Variants in MCM3 observed in about 807,000 individuals in gnomAD.
MCM3 encodes DNA replication licensing factor MCM3.
A neutral mutation model predicts 91.3 loss-of-function variants in MCM3; 59 were observed. That is an observed-to-expected ratio of 0.65 (90% CI 0.52 to 0.80). MCM3 has a LOEUF of 0.80. Among genes scored for constraint, MCM3 ranks in the 30% least tolerant of loss-of-function variants. MCM3 has a pLI of 0.00. For missense variants in MCM3, 919 were observed against 1,035.4 expected, an observed-to-expected ratio of 0.89 and a Z score of 1.54; for synonymous variants, 383 against 379.6, an observed-to-expected ratio of 1.01 and a Z score of -0.10.
rs201713056 is a variant in MCM3, at chr6:52,276,346, G to A, written c.1296C>T (p.Thr432=). 13 of 1,613,758 alleles carry A rather than the reference G, an allele frequency of 8.1e-6. No homozygotes were observed. Among genetic ancestry groups the A allele is most frequent in the Middle Eastern group, 3.4e-4 (2 of 5,868 alleles). ...GAGCATGGATGCCAGCCTTGGCAATGGTCACTCGACCCTGCTCCATCACTT... is the reference window on the plus strand; with the variant it reads ...GAGCATGGATGCCAGCCTTGGCAATAGTCACTCGACCCTGCTCCATCACTT... ...IHEVMEQGRV[T]IAKAGIHARL... The change falls in exon 9 of 17, where the codon ACC becomes ACT. Residue 432 remains threonine (T), a synonymous_variant. Coordinates refer to ENST00000596288, the MANE Select transcript of MCM3 (RefSeq NM_002388.6).
In MCM3 at chr6:52,279,565, C is replaced by T. The variant is rs1456917793; in HGVS notation, c.566G>A (p.Gly189Asp). The change falls in exon 5 of 17, where the codon GGC (glycine) becomes GAC (aspartate). Residue 189 changes from glycine (G) to aspartate (D), a missense_variant. Physicochemically the swap from Gly to Asp is moderately conservative, Grantham distance 94. Transcript: ENST00000596288. ...CTGGTGATCCTTGTAGACAGAAAGG[C>T]CATATTCTGTCTCAAGGGGATTGTT... Reference protein sequence around the residue: ...EENNPLETEYGLSVYKDHQTI... With the variant: ...EENNPLETEYDLSVYKDHQTI... 1 of 1,613,856 alleles carries T rather than the reference C, an allele frequency of 6.2e-7. No individual in the cohort carries two copies. The highest frequency in any genetic ancestry group is 2.2e-5 in the East Asian group (1 of 44,902).
chr6:52,267,210 T>C (rs1042527196), intron 14 of MCM3, among the ~76,000 whole-genome samples: 2 of 148,660 alleles, frequency 1.3e-5, no homozygotes, highest in Admixed American at 6.8e-5. Context: ...GCCATTCTCC[T>C]GCCTCAGCCT....
intron 11 of MCM3, 34 bp from the exon 12 acceptor site, chr6:52,272,485 C>A (rs1765221233): frequency 1.2e-6 from 2 of 1,611,938 alleles, no homozygotes; most frequent in Middle Eastern, 3.3e-4. Context: ...CATCTCCCTG[C>A]CACACCTTAC....
intron 1 of MCM3, 58 bp downstream of exon 1, chr6:52,284,539 C>G: frequency 6.6e-7 from 1 of 1,508,526 alleles, no homozygotes; most frequent in Non-Finnish European, 8.9e-7. Flanking sequence ...GCTTCCCGGC[C>G]GGGCCGCGTC....
intron 12 of MCM3, among the ~76,000 whole-genome samples, chr6:52,269,989 G>A (rs1764965866): frequency 1.3e-5 from 2 of 152,164 alleles, no homozygotes; most frequent in Admixed American, 6.5e-5. Context: ...GAAAGGATTT[G>A]TCCACAGTCC....
rs752211824 is a variant in MCM3, at chr6:52,267,938, G to A, written c.1999C>T (p.Arg667Ter). 5 of 1,598,722 alleles carry A rather than the reference G, an allele frequency of 3.1e-6. No homozygotes were observed. Among genetic ancestry groups the A allele is most frequent in the African/African-American group, 1.3e-5 (1 of 74,560 alleles). The change falls in exon 14 of 17, where the codon CGA becomes TGA. Residue 667 changes from arginine (R) to a stop codon, truncating the protein, a stop_gained. Coordinates refer to ENST00000596288, the MANE Select transcript of MCM3 (RefSeq NM_002388.6). LOFTEE classifies it high-confidence loss of function. ...TCTGTCTCTGATTCATCCTCACTTC[G>A]CTTCTTACGTTTCTTCTCCTTCTCC... is the stretch of plus-strand genomic sequence containing the variant. ...VLEKEKKRKK[R>*]SEDESETEDE...
Position 52,284,591 on chromosome 6 carries a change from C to T in MCM3, c.78+6G>A. 1 of 1,603,978 alleles carries T rather than the reference C, an allele frequency of 6.2e-7. No homozygotes were observed. Among genetic ancestry groups the T allele is most frequent in the Non-Finnish European group, 8.5e-7 (1 of 1,177,312 alleles). On this transcript the variant is annotated splice_donor_region_variant and intron_variant, in intron 1 of 16. Coordinates refer to ENST00000596288, the MANE Select transcript of MCM3 (RefSeq NM_002388.6). The stretch of plus-strand genomic sequence containing the variant: ...GCTAGAGCCCGCGCGCCGGCGCCTC[C>T]CTCACCTCGTCGTCCAGGAAGTCCA...
chr6:52,265,376 G>C (rs987246741), intron 16 of MCM3: 1 of 311,356 alleles, frequency 3.2e-6, no homozygotes, highest in Non-Finnish European at 6.4e-6. Flanking sequence ...AACATGGTGA[G>C]ATCCCGTCTC....
intron 16 of MCM3, among the ~76,000 whole-genome samples, chr6:52,265,835 T>C (rs17240231): frequency 8.1e-4 from 123 of 152,216 alleles, no homozygotes; most frequent in Non-Finnish European, 1.2e-3. Context: ...GAGAGAATTA[T>C]TAATTTAAAC....
intron 4 of MCM3, among the ~76,000 whole-genome samples, chr6:52,280,581 C>T (rs1179363191): frequency 2.0e-5 from 3 of 152,350 alleles, no homozygotes; most frequent in Admixed American, 6.5e-5. Context: ...CCAAAGCCCA[C>T]GCTCTTAAGC....
intron 3 of MCM3, 80 bp downstream of exon 3, chr6:52,282,573 C>A: frequency 7.3e-7 from 1 of 1,372,024 alleles, no homozygotes; most frequent in Non-Finnish European, 1.0e-6. Flanking sequence ...CCACAAGCTA[C>A]CCAGATCTAC....
chr6:52,270,449 A>G (rs1765034394), intron 12 of MCM3, among the ~76,000 whole-genome samples: 1 of 152,176 alleles, frequency 6.6e-6, no homozygotes, highest in South Asian at 2.1e-4. Flanking sequence ...AGTTTCCTAA[A>G]TTACCATGTA....
Position 52,267,904 on chromosome 6 carries a change from T to C in MCM3, c.2033A>G (p.Glu678Gly), listed in dbSNP as rs1441960120. 1 of 1,453,024 alleles carries C rather than the reference T, an allele frequency of 6.9e-7. No homozygotes were observed. The highest frequency in any genetic ancestry group is 1.7e-5 in the Admixed American group (1 of 58,518). 90.0% of individuals were successfully genotyped at this position (1,453,024 alleles called of 1,614,324 possible). ...SEDESETEDE[E>G]EKSQEDQEQK... ...CTCCTGGTCCTCTTGGCTTTTCTCC[T>C]CTTCATCTTCTGTCTCTGATTCATC... Residue 678 changes from glutamate to glycine, a missense_variant, in exon 14 of 17, where the codon GAG becomes GGG. Physicochemically the swap from Glu to Gly is moderately conservative, Grantham distance 98 (BLOSUM62 -2). This residue lies in a region of MCM3 where 285 missense variants were observed against 311.4 expected (regional missense o/e 0.92). Transcript: ENST00000596288.
At chr6:52,269,679 G>C (rs1026454568) in intron 12 of MCM3, among the ~76,000 whole-genome samples, 1 of 152,206 alleles carries the variant, frequency 6.6e-6, no homozygotes, top group African/African-American at 2.4e-5. Context: ...AGGAGGGATA[G>C]GAAAGAAGTA....
chr6:52,267,949 T>G lies in MCM3; in HGVS notation c.1988A>C (p.Lys663Thr), dbSNP rs757116505. Residue 663 changes from lysine to threonine, a missense_variant, in exon 14 of 17, where the codon AAA becomes ACA. Physicochemically the swap from Lys to Thr is moderately conservative, Grantham distance 78 (BLOSUM62 -1). Coordinates refer to ENST00000596288, the MANE Select transcript of MCM3 (RefSeq NM_002388.6). ...YFKKVLEKEK[K>T]RKKRSEDESE... The stretch of plus-strand genomic sequence containing the variant: ...TTCATCCTCACTTCGCTTCTTACGT[T>G]TCTTCTCCTTCTCCAGAACCTAAGA... 6 of 1,612,256 alleles carry G rather than the reference T, an allele frequency of 3.7e-6. No individual in the cohort carries two copies. The South Asian group carries it at 6.6e-5, about 18-fold the overall frequency.
chr6:52,275,866 GTT>G (rs1765507846), intron 9 of MCM3: 1 of 158,972 alleles, frequency 6.3e-6, no homozygotes, highest in Non-Finnish European at 1.4e-5. Flanking sequence ...CATGCTTAAA[GTT>G]TTGTTTCCTG....
rs1033238760 is a variant in MCM3 at position 52,282,152 on chromosome 6, C to T, written c.424G>A (p.Val142Ile). The part of the protein sequence containing the change: ...TKCSLVRPKV[V>I]RSVHYCPATK... ...GCAGGACAGTAGTGGACACTGCGGA[C>T]GACTTTGGGACGAACTAGAGAACCT... Residue 142 changes from valine (V) to isoleucine (I), a missense_variant, in exon 4 of 17, where the codon GTC becomes ATC. By Grantham distance (29) the Val-to-Ile change is conservative (BLOSUM62 3). Transcript: ENST00000596288. 9 of 1,613,890 alleles carry T rather than the reference C, an allele frequency of 5.6e-6. No homozygotes were observed. The highest frequency in any genetic ancestry group is 1.3e-5 in the African/African-American group (1 of 74,874).
rs762723976 is a variant in MCM3, at chr6:52,277,150, G to C, written c.1082C>G (p.Thr361Ser). The C allele has an allele frequency of 6.2e-7, 1 of 1,614,008 alleles. No homozygotes were observed. The highest frequency in any genetic ancestry group is 2.2e-5 in the East Asian group (1 of 44,878). Residue 361 changes from threonine (T) to serine (S), a missense_variant, in exon 8 of 17, where the codon ACT becomes AGT. This residue lies in a region of MCM3 where 233 missense variants were observed against 321.2 expected (regional missense o/e 0.73). Transcript: ENST00000596288. Reference protein sequence around the residue: ...KSQLLRYVLCTAPRAIPTTGR... With the variant: ...KSQLLRYVLCSAPRAIPTTGR... ...AGTGGTGGGGATAGCTCGGGGTGCAGTGCAAAGCACATACCGCAGAAGCTG... is the reference window on the plus strand; with the variant it reads ...AGTGGTGGGGATAGCTCGGGGTGCACTGCAAAGCACATACCGCAGAAGCTG...
rs1045329692 is a variant in MCM3 at position 52,277,207 on chromosome 6, TG to T, written c.1034-10del. 2 of 1,610,562 alleles carry T rather than the reference TG, an allele frequency of 1.2e-6. No homozygotes were observed. The highest frequency in any genetic ancestry group is 1.7e-6 in the Non-Finnish European group (2 of 1,178,398). The stretch of plus-strand genomic sequence containing the variant: ...GGCAACGGATGGGTCTCCTGTAGGG[TG>T]GGGGCAGTGATGACTCTCTAGGAAA... On this transcript the variant is annotated splice_polypyrimidine_tract_variant and intron_variant, in intron 7 of 16. Coordinates refer to ENST00000596288, the MANE Select transcript of MCM3 (RefSeq NM_002388.6).
Sources: gnomAD v4.1 joint callset for allele counts (sites outside exome capture counted in the v4.1 genomes callset) on GRCh38, gnomAD v4.1.1 for gene constraint, gnomAD v4.1.1 regional missense constraint, MANE v1.5 for transcripts, NCBI Gene and HGNC (gene_info 2026-07-23, HGNC 2026-07-21) for gene names.